BOLL: variants seen among roughly 807,000 people sequenced by gnomAD.
BOLL encodes boule RNA binding protein, also known as protein boule-like.
BOLL carries 23 observed loss-of-function variants against 44.4 expected under a neutral mutation model. The ratio of observed to expected loss-of-function variants is 0.52; its 90% CI spans 0.37 to 0.73. The LOEUF (loss-of-function observed/expected upper bound fraction) is 0.73, where lower values mean the gene tolerates loss of function less well. BOLL is among the 30% of genes least tolerant of loss of function. The pLI, the probability that BOLL is intolerant of heterozygous loss-of-function variation, is 0.00. For missense variants in BOLL, 287 were observed against 338.3 expected, an observed-to-expected ratio of 0.85 and a Z score of 1.19; for synonymous variants, 97 against 110.8, an observed-to-expected ratio of 0.88 and a Z score of 0.78.
At chr2:197,763,494 A>AAC (rs1042064321) in intron 7 of BOLL, among the ~76,000 whole-genome samples, 1 of 151,336 alleles carries the variant, frequency 6.6e-6, no homozygotes, top group Non-Finnish European at 1.5e-5. Context: ...AAAAAAAAAA[A>AAC]AAAGAAAGAA....
intron 9 of BOLL, among the ~76,000 whole-genome samples, chr2:197,745,027 G>C (rs1574819696): frequency 6.6e-6 from 1 of 152,280 alleles, no homozygotes; most frequent in Non-Finnish European, 1.5e-5. Context: ...AAGAAGCTAA[G>C]GATGAGTTAC....
intron 4 of BOLL, among the ~76,000 whole-genome samples, chr2:197,776,537 T>C (rs1689522110): frequency 6.6e-6 from 1 of 151,982 alleles, no homozygotes; most frequent in African/African-American, 2.4e-5. Flanking sequence ...CTAGCAATGT[T>C]AGAGAACATA....
At chr2:197,738,642 G>A (rs1208503299) in intron 10 of BOLL, among the ~76,000 whole-genome samples, 2 of 152,036 alleles carry the variant, frequency 1.3e-5, no homozygotes, top group Non-Finnish European at 2.9e-5. Flanking sequence ...AGATAATTTT[G>A]ACATTTGAAA....
chr2:197,728,484 G>A lies in BOLL; in HGVS notation c.*71C>T, dbSNP rs778810603. The A allele has an allele frequency of 2.5e-6, 4 of 1,612,958 alleles. No homozygotes were observed. In the African/African-American group the frequency reaches 5.3e-5, roughly 21 times the overall value. On this transcript the variant is annotated 3_prime_UTR_variant, in exon 11 of 11. Transcript: ENST00000392296. Reference sequence around the variant, plus strand: ...GGCAGCTTCTAGCTGGTTCGTTGAAGCTGGATCTCGGCCACGCAAGGATCA... The same window carrying A: ...GGCAGCTTCTAGCTGGTTCGTTGAAACTGGATCTCGGCCACGCAAGGATCA...
rs578244999 is a variant in BOLL, at chr2:197,733,830, T to G, written c.829-5252A>C. On this transcript the variant is annotated intron_variant, in intron 10 of 10. Coordinates refer to ENST00000392296, the MANE Select transcript of BOLL (RefSeq NM_033030.6). ...ATTAATTCAAGATGGATTAAAGACT[T>G]ACATGTTAGACGTAAAACCATAAAA... Among the ~76,000 whole-genome samples the G allele has an allele frequency of 1.9e-4, 29 of 152,286 alleles. No individual in the cohort carries two copies. The East Asian group carries it at 2.5e-3, about 13-fold the overall frequency.
At chr2:197,776,951 T>A in intron 4 of BOLL, 108 bp downstream of exon 4, 1 of 847,840 alleles carries the variant, frequency 1.2e-6, no homozygotes, top group Non-Finnish European at 1.8e-6. Flanking sequence ...AATCTTAAGA[T>A]GCAAACCTTT....
At chr2:197,758,902 CT>C in intron 7 of BOLL, 1 of 1,507,400 alleles carries the variant, frequency 6.6e-7, no homozygotes, top group Non-Finnish European at 8.9e-7. Context: ...TTGCTAAAGA[CT>C]TTTTAGATCT....
chr2:197,772,984 T>C (rs562719515), intron 5 of BOLL, among the ~76,000 whole-genome samples: 6 of 152,044 alleles, frequency 3.9e-5, no homozygotes, highest in Non-Finnish European at 8.8e-5. Flanking sequence ...GAAATGACAC[T>C]GTCTGCAAAC....
intron 10 of BOLL, among the ~76,000 whole-genome samples, chr2:197,729,065 G>A (rs4589749): frequency 0.2 from 30,136 of 152,088 alleles, 3,037 homozygotes; most frequent in East Asian, 0.27. Context: ...CTGAGGTACC[G>A]GGTTCATCTC....
intron 7 of BOLL, among the ~76,000 whole-genome samples, chr2:197,760,680 G>T (rs929261262): frequency 6.6e-6 from 1 of 151,962 alleles, no homozygotes; most frequent in Non-Finnish European, 1.5e-5. Context: ...GAGAAACTTG[G>T]AAACACAACT....
intron 9 of BOLL, among the ~76,000 whole-genome samples, chr2:197,749,803 A>G (rs1249224465): frequency 6.6e-6 from 1 of 152,136 alleles, no homozygotes; most frequent in Non-Finnish European, 1.5e-5. Context: ...ACCAAGGTGG[A>G]AAACACACTC....
intron 10 of BOLL, among the ~76,000 whole-genome samples, chr2:197,737,366 A>AC (rs1687541290): frequency 6.6e-6 from 1 of 152,022 alleles, no homozygotes; most frequent in Non-Finnish European, 1.5e-5. Context: ...TACTGTCCTT[A>AC]CATCAAAAAG....
intron 1 of BOLL, 159 bp downstream of exon 1, chr2:197,784,897 T>A (rs1193817953): frequency 2.0e-6 from 2 of 987,050 alleles, no homozygotes; most frequent in African/African-American, 3.5e-5. Flanking sequence ...TGTTGCCGGG[T>A]TTGAAGGCTC....
chr2:197,743,301 T>A (rs749393154), intron 9 of BOLL, 142 bp from the exon 10 acceptor site: 1 of 501,420 alleles, frequency 2.0e-6, no homozygotes, highest in Non-Finnish European at 3.4e-6. Flanking sequence ...AATTAACTTA[T>A]AATCTGATGA....
chr2:197,780,432 A>C (rs1689716072), intron 2 of BOLL, among the ~76,000 whole-genome samples: 1 of 152,090 alleles, frequency 6.6e-6, no homozygotes, highest in Non-Finnish European at 1.5e-5. Context: ...TCAGTAACCT[A>C]AAATAACCTG....
chr2:197,735,601 C>T (rs1687448884), intron 10 of BOLL, among the ~76,000 whole-genome samples: 1 of 151,958 alleles, frequency 6.6e-6, no homozygotes, highest in Non-Finnish European at 1.5e-5. Context: ...GTGCCTGTGC[C>T]CTCTAGCCAA....
intron 5 of BOLL, among the ~76,000 whole-genome samples, chr2:197,773,703 G>T (rs1478276131): frequency 6.6e-6 from 1 of 151,868 alleles, no homozygotes; most frequent in East Asian, 1.9e-4. Context: ...TTCTGGAACT[G>T]AAAGAAGGCT....
intron 3 of BOLL, 27 bp from the exon 4 acceptor site, chr2:197,777,140 A>G: frequency 2.2e-6 from 3 of 1,390,778 alleles, no homozygotes; most frequent in African/African-American, 2.9e-5. Flanking sequence ...ATTATTACTA[A>G]TTAATCATTT....
chr2:197,731,354 C>T, intron 10 of BOLL, among the ~76,000 whole-genome samples: 1 of 146,646 alleles, frequency 6.8e-6, no homozygotes, highest in East Asian at 2.0e-4. Context: ...GACTCCCACA[C>T]ATTAATAATG....
Sources: gnomAD v4.1 joint callset for allele counts (sites outside exome capture counted in the v4.1 genomes callset) on GRCh38, gnomAD v4.1.1 for gene constraint, MANE v1.5 for transcripts, NCBI Gene and HGNC (gene_info 2026-07-23, HGNC 2026-07-21) for gene names.